The following IPO11 variants were observed in gnomAD, a reference collection of about 807,000 sequenced individuals.
IPO11 encodes importin-11.
IPO11 carries 66 observed loss-of-function variants against 143.2 expected under a neutral mutation model. That is an observed-to-expected ratio of 0.46 (90% CI 0.38 to 0.57). The LOEUF (loss-of-function observed/expected upper bound fraction) is 0.57. IPO11 is among the 20% of genes least tolerant of loss of function. The probability of loss-of-function intolerance (pLI) is 0.00; values close to 1 mark genes in which losing one functional copy is unlikely to be tolerated. For missense variants in IPO11, 1,026 were observed against 1,141.0 expected, an observed-to-expected ratio of 0.90 and a Z score of 1.45; for synonymous variants, 385 against 377.8, an observed-to-expected ratio of 1.02 and a Z score of -0.22.
intron 28 of IPO11, among the ~76,000 whole-genome samples, chr5:62,596,178 A>T (rs1745207575): frequency 6.7e-6 from 1 of 148,784 alleles, no homozygotes; most frequent in East Asian, 2.0e-4. Context: ...CTGAGGTGGG[A>T]AGATTGCTTG....
At position 62,591,630 on chromosome 5, in the gene IPO11, A is replaced by G. The variant is rs1399018653; in HGVS notation, c.2636A>G (p.His879Arg). 1 of 1,609,718 alleles carries G rather than the reference A, an allele frequency of 6.2e-7. No homozygotes were observed. Among genetic ancestry groups the G allele is most frequent in the Non-Finnish European group, 8.5e-7 (1 of 1,178,314 alleles). ...ATAAACATTTCAGTAGAAGGCCTGC[A>G]TGATGTCATGACGGAAGATCCTGAA... ...GIINISVEGL[H>R]DVMTEDPETG... The change falls in exon 28 of 30, where the codon CAT (histidine) becomes CGT (arginine). Residue 879 changes from histidine (H) to arginine (R), a missense_variant. His to Arg is a conservative substitution (Grantham distance 29). Around this residue, in one of 5 missense-constraint regions of IPO11, gnomAD observed 351 missense variants for 358.9 expected, o/e 0.98. Transcript: ENST00000325324.
At chr5:62,429,587 CGTGTGTGTGTGTGTGTGT>C (rs56185914) in intron 1 of IPO11, among the ~76,000 whole-genome samples, 19 of 128,502 alleles carry the variant, frequency 1.5e-4, no homozygotes, top group East Asian at 7.1e-4. Context: ...GTCTGATTTT[CGTGTGTGTGTGTGTGTGT>C]GTGTGTGTGT....
At chr5:62,463,854 CG>C (rs998811592) in intron 5 of IPO11, among the ~76,000 whole-genome samples, 34 of 150,534 alleles carry the variant, frequency 2.3e-4, no homozygotes, top group Non-Finnish European at 4.6e-4. Flanking sequence ...GACAGAGTCT[CG>C]CTCTGTTACG....
At chr5:62,592,461 T>C (rs1267704470) in intron 28 of IPO11, among the ~76,000 whole-genome samples, 1 of 152,188 alleles carries the variant, frequency 6.6e-6, no homozygotes, top group Non-Finnish European at 1.5e-5. Context: ...AACTGGAGTT[T>C]GTATGAAGTG....
intron 1 of IPO11, among the ~76,000 whole-genome samples, chr5:62,423,496 C>T (rs1743589892): frequency 6.6e-6 from 1 of 152,204 alleles, no homozygotes; most frequent in African/African-American, 2.4e-5. Context: ...TTACTGTCTA[C>T]AGCAGTTAAA....
intron 26 of IPO11, among the ~76,000 whole-genome samples, chr5:62,555,479 A>ATTTAT (rs1743543337): frequency 2.9e-4 from 40 of 137,254 alleles, no homozygotes; most frequent in East Asian, 6.3e-4. Context: ...CACCTGGCTA[A>ATTTAT]TTATTTATTT....
At position 62,533,210 on chromosome 5, in the gene IPO11, TTCTTC is replaced by T. The variant is rs1365231521; in HGVS notation, c.2089+2427_2089+2431del. 1.2e-4 allele frequency among the ~76,000 whole-genome samples: 11 copies of T among 94,730 alleles called. No homozygotes were observed. In the South Asian group the frequency reaches 2.7e-3, roughly 23 times the overall value. 62.1% of individuals were successfully genotyped at this position (94,730 alleles called of 152,430 possible). A position where few individuals can be genotyped will look rare whatever the true frequency, so the allele number is the denominator to read the frequency against. The stretch of plus-strand genomic sequence containing the variant: ...TTTTGCATGTATATTCTTTCTTTCT[TTCTTC>T]TTTTTTTTTTTTTGAGATGGAGTTT... On this transcript the variant is annotated intron_variant, in intron 22 of 29. Coordinates refer to ENST00000325324, the MANE Select transcript of IPO11 (RefSeq NM_016338.5).
intron 1 of IPO11, among the ~76,000 whole-genome samples, chr5:62,428,959 A>G (rs148162470): frequency 9.6e-4 from 146 of 152,322 alleles, no homozygotes; most frequent in African/African-American, 3.3e-3. Context: ...GCCACTGCAC[A>G]TGGCCATCTC....
intron 24 of IPO11, among the ~76,000 whole-genome samples, chr5:62,543,114 A>AT (rs2112334304): frequency 6.6e-6 from 1 of 152,364 alleles, no homozygotes; most frequent in South Asian, 2.1e-4. Context: ...CTCAGTAAGC[A>AT]TTGGAACCAT....
intron 28 of IPO11, among the ~76,000 whole-genome samples, chr5:62,598,431 T>G (rs1745331316): frequency 5.0e-4 from 1 of 1,994 alleles, no homozygotes; most frequent in Non-Finnish European, 8.2e-4. Context: ...TTTCTTTCTT[T>G]CTCTCTCTCT....
intron 27 of IPO11, chr5:62,578,592 T>C (rs1744410229): frequency 2.5e-6 from 1 of 401,846 alleles, no homozygotes. Context: ...ATAGGAGATA[T>C]TTCAATGTGT....
intron 27 of IPO11, among the ~76,000 whole-genome samples, chr5:62,568,271 A>T (rs975643432): frequency 1.3e-5 from 2 of 151,494 alleles, no homozygotes; most frequent in African/African-American, 2.4e-5. Context: ...GGCTGACTGT[A>T]TTTTCAAATA....
In IPO11 at chr5:62,452,001, G is replaced by A. The variant is rs1448085225; in HGVS notation, c.516+68G>A. Reference sequence around the variant, plus strand: ...CGGCCGGGCGTGGTGGCTTATGCCTGTAATCTCAGCACTTTGGGAGGCCGA... The same window carrying A: ...CGGCCGGGCGTGGTGGCTTATGCCTATAATCTCAGCACTTTGGGAGGCCGA... On this transcript the variant is annotated intron_variant, in intron 5 of 29. Transcript: ENST00000325324. The A allele has an allele frequency of 7.1e-6, 9 of 1,263,540 alleles. No homozygotes were observed. The African/African-American group carries it at 8.8e-5, about 12-fold the overall frequency. 78.3% of individuals were successfully genotyped at this position (1,263,540 alleles called of 1,614,324 possible).
At chr5:62,508,671 A>G (rs563327140) in intron 19 of IPO11, among the ~76,000 whole-genome samples, 2 of 145,892 alleles carry the variant, frequency 1.4e-5, no homozygotes, top group East Asian at 4.1e-4. Context: ...ACGTAGGTAT[A>G]CATGTGCCAT....
chr5:62,504,995 A>G (rs1291434203), intron 18 of IPO11, 97 bp downstream of exon 18: 1 of 629,696 alleles, frequency 1.6e-6, no homozygotes, highest in African/African-American at 1.9e-5. Flanking sequence ...TGTGTTACTT[A>G]TTAAAGTTGA....
chr5:62,495,633 G>C (rs2112245070), intron 16 of IPO11, among the ~76,000 whole-genome samples: 1 of 151,958 alleles, frequency 6.6e-6, no homozygotes, highest in East Asian at 1.9e-4. Flanking sequence ...ACAACGCCTG[G>C]CTGATTTTTC....
chr5:62,500,285 A>G (rs1300460669), intron 16 of IPO11, among the ~76,000 whole-genome samples: 3 of 152,188 alleles, frequency 2.0e-5, no homozygotes, highest in Non-Finnish European at 4.4e-5. Context: ...TCTTTCAAAA[A>G]AAGAAACAAC....
chr5:62,599,235 A>G (rs995982120), intron 28 of IPO11, among the ~76,000 whole-genome samples: 15 of 152,212 alleles, frequency 9.9e-5, no homozygotes, highest in Non-Finnish European at 1.5e-5. Flanking sequence ...AATGACTGGA[A>G]TACTTGGCCT....
intron 24 of IPO11, among the ~76,000 whole-genome samples, chr5:62,537,667 T>C (rs1391173581): frequency 1.3e-5 from 2 of 152,194 alleles, no homozygotes; most frequent in Non-Finnish European, 2.9e-5. Flanking sequence ...TAGTCTGCTG[T>C]TGGGACAAAG....
Sources: gnomAD v4.1 joint callset for allele counts (sites outside exome capture counted in the v4.1 genomes callset) on GRCh38, gnomAD v4.1.1 for gene constraint, gnomAD v4.1.1 regional missense constraint, MANE v1.5 for transcripts, NCBI Gene and HGNC (gene_info 2026-07-23, HGNC 2026-07-21) for gene names.